The following BMP7 variants were observed in gnomAD, a reference collection of about 807,000 sequenced individuals.
BMP7 encodes the protein osteogenic protein 1.
BMP7 carries 12 observed loss-of-function variants against 41.2 expected under a neutral mutation model. The observed-to-expected ratio is 0.29, with a 90% CI of 0.19 to 0.47. The LOEUF (loss-of-function observed/expected upper bound fraction) is 0.47. Ranked by LOEUF, BMP7 falls within the 20% of genes least tolerant of loss-of-function variation. BMP7 has a pLI of 0.99. For missense variants in BMP7, 467 were observed against 606.0 expected (o/e 0.77, Z 2.41); for synonymous variants, 248 against 250.0 (o/e 0.99, Z 0.07).
At chr20:57,234,214 G>A (rs1176124803) in intron 1 of BMP7, among the ~76,000 whole-genome samples, 1 of 152,226 alleles carries the variant, frequency 6.6e-6, no homozygotes, top group Non-Finnish European at 1.5e-5. Context: ...GGGATGGGAG[G>A]AAGCCAGCCT....
At chr20:57,210,617 C>T (rs543839422) in intron 2 of BMP7, among the ~76,000 whole-genome samples, 4 of 152,302 alleles carry the variant, frequency 2.6e-5, no homozygotes, top group East Asian at 3.9e-4. Flanking sequence ...CAAAACAGAG[C>T]GGAGTTGGGA....
rs2066174321 is a variant in BMP7, at chr20:57,265,741, T to C, written c.382A>G (p.Thr128Ala). The change falls in exon 1 of 7, where the codon ACC becomes GCC. Residue 128 changes from threonine (T) to alanine (A), a missense_variant. Physicochemically the swap from Thr to Ala is moderately conservative, Grantham distance 58 (BLOSUM62 0). Coordinates refer to ENST00000395863, the MANE Select transcript of BMP7 (RefSeq NM_001719.3). The part of the protein sequence containing the change: ...LASLQDSHFL[T>A]DADMVMSFVN... ...AAGCTCATGACCATGTCGGCGTCGG[T>C]GAGGAAATGGCTATCTTGCAGGCTG... is the stretch of plus-strand genomic sequence containing the variant. The C allele has an allele frequency of 6.8e-6, 11 of 1,609,892 alleles. No homozygotes were observed. Among genetic ancestry groups the C allele is most frequent in the Non-Finnish European group, 9.3e-6 (11 of 1,178,246 alleles).
intron 2 of BMP7, among the ~76,000 whole-genome samples, chr20:57,221,098 C>A (rs928516050): frequency 6.6e-6 from 1 of 152,272 alleles, no homozygotes; most frequent in Non-Finnish European, 1.5e-5. Context: ...AAAATGGATA[C>A]CACAGTGAGC....
At chr20:57,221,880 G>A (rs1985198290) in intron 2 of BMP7, among the ~76,000 whole-genome samples, 1 of 151,584 alleles carries the variant, frequency 6.6e-6, no homozygotes, top group Non-Finnish European at 1.5e-5. Flanking sequence ...GGTTGTTGTG[G>A]GAAGCAGTAA....
intron 4 of BMP7, among the ~76,000 whole-genome samples, chr20:57,180,029 G>C (rs991417904): frequency 5.3e-5 from 8 of 152,084 alleles, no homozygotes; most frequent in African/African-American, 1.9e-4. Context: ...GGAGCTCCAA[G>C]ACACGGAAGT....
chr20:57,202,712 T>C (rs1001347815), intron 2 of BMP7, 89 bp from the exon 3 acceptor site: 17 of 531,166 alleles, frequency 3.2e-5, no homozygotes, highest in Non-Finnish European at 5.5e-5. Context: ...CCTCATGGGG[T>C]GGGAGGGGAG....
rs73287974 is a variant in BMP7, at chr20:57,195,758, T to C, written c.760+6717A>G. Among the ~76,000 whole-genome samples, 1,001 of 152,290 alleles carry C rather than the reference T, an allele frequency of 6.6e-3. 10 individuals carry two copies. Among genetic ancestry groups the C allele is most frequent in the African/African-American group, 0.022 (934 of 41,562 alleles). On this transcript the variant is annotated intron_variant, in intron 3 of 6. Coordinates refer to ENST00000395863, the MANE Select transcript of BMP7 (RefSeq NM_001719.3). The stretch of plus-strand genomic sequence containing the variant: ...ATCCTTTAAATGCTCTGCAATCCCA[T>C]CCAATTCAATCTGGAGTGAGCATGA...
At position 57,171,475 on chromosome 20, in the gene BMP7, T is replaced by A. The variant is rs1983815289; in HGVS notation, c.1147-367A>T. Among the ~76,000 whole-genome samples the A allele has an allele frequency of 6.6e-6, 1 of 152,208 alleles. No individual in the cohort carries two copies. Among genetic ancestry groups the A allele is most frequent in the Non-Finnish European group, 1.5e-5 (1 of 68,034 alleles). On this transcript the variant is annotated intron_variant, in intron 6 of 6. Transcript: ENST00000395863. The surrounding 1 kb of genome is among the most constrained non-coding windows in gnomAD (Gnocchi z 4.5). ...AAGTGCTCCATCTTGCTCATGGACT[T>A]CTCTGCACCTTACAGAGGATGTGGG...
rs1398738819 is a variant in BMP7 at position 57,224,921 on chromosome 20, A to G, written c.611+3308T>C. 3.3e-5 allele frequency: 5 copies of G among 152,268 alleles called. No individual in the cohort carries two copies. The allele number at this position is 152,268 out of a possible 1,614,324, so 9.4% of individuals were successfully genotyped here. ...GGATTCCGAGAGATCAAGAGGAGTCAGTGGAAAGTGACTCCCACAAGGGGA... is the reference window on the plus strand; with the variant it reads ...GGATTCCGAGAGATCAAGAGGAGTCGGTGGAAAGTGACTCCCACAAGGGGA... On this transcript the variant is annotated intron_variant, in intron 2 of 6. Coordinates refer to ENST00000395863, the MANE Select transcript of BMP7 (RefSeq NM_001719.3). This position sits in a 1 kb window ranked among gnomAD's most constrained non-coding sequence, Gnocchi z 4.8.
chr20:57,196,688 T>C (rs1313488478), intron 3 of BMP7, among the ~76,000 whole-genome samples: 1 of 152,168 alleles, frequency 6.6e-6, no homozygotes, highest in Admixed American at 6.5e-5. Flanking sequence ...AGATAAAACA[T>C]GAACTTTTAG....
At chr20:57,197,989 T>C (rs566167014) in intron 3 of BMP7, among the ~76,000 whole-genome samples, 11 of 152,268 alleles carry the variant, frequency 7.2e-5, no homozygotes, top group Admixed American at 5.9e-4. Flanking sequence ...TTCCCCTGCC[T>C]TAAGGCCACA....
intron 1 of BMP7, among the ~76,000 whole-genome samples, chr20:57,253,316 C>T (rs1425890306): frequency 6.6e-6 from 1 of 152,166 alleles, no homozygotes; most frequent in African/African-American, 2.4e-5. Flanking sequence ...AAAACTGAAA[C>T]TTGAGAAGTG....
At chr20:57,195,434 A>G (rs1231628271) in intron 3 of BMP7, among the ~76,000 whole-genome samples, 1 of 152,134 alleles carries the variant, frequency 6.6e-6, no homozygotes, top group Non-Finnish European at 1.5e-5. Context: ...CCTGGCCCCA[A>G]TTACCCAATT....
chr20:57,241,468 G>A (rs2066069454), intron 1 of BMP7, among the ~76,000 whole-genome samples: 1 of 152,172 alleles, frequency 6.6e-6, no homozygotes, highest in South Asian at 2.1e-4. Flanking sequence ...CCAGATTGGG[G>A]GGCAGGGCCC....
chr20:57,266,084 G>A lies in BMP7; in HGVS notation c.39C>T (p.Ser13=). 6.5e-7 allele frequency: 1 copy of A among 1,537,544 alleles called. No homozygotes were observed. ...VRSLRAAAPH[S]FVALWAPLFL... Reference sequence around the variant, plus strand: ...ACAGGGGTGCCCAGAGCGCCACGAAGCTGTGCGGCGCCGCAGCTCGCAGTG... The same window carrying A: ...ACAGGGGTGCCCAGAGCGCCACGAAACTGTGCGGCGCCGCAGCTCGCAGTG... Residue 13 remains serine, a synonymous_variant, in exon 1 of 7, where the codon AGC becomes AGT. Coordinates refer to ENST00000395863, the MANE Select transcript of BMP7 (RefSeq NM_001719.3).
In BMP7 at chr20:57,171,007, G is replaced by A; in HGVS notation, c.1248C>T (p.Ile416=). The change falls in exon 7 of 7, where the codon ATC becomes ATT. Residue 416 remains isoleucine (I), a synonymous_variant. Transcript: ENST00000395863. The surrounding 1 kb of genome is among the most constrained non-coding windows in gnomAD (Gnocchi z 4.5). ...CCACCATGTTTCTGTATTTCTTCAG[G>A]ATGACGTTGGAGCTGTCATCGAAGT... ...VLYFDDSSNV[I]LKKYRNMVVR... 6.2e-7 allele frequency: 1 copy of A among 1,614,134 alleles called. No individual in the cohort carries two copies. Among genetic ancestry groups the A allele is most frequent in the Non-Finnish European group, 8.5e-7 (1 of 1,179,998 alleles).
intron 1 of BMP7, among the ~76,000 whole-genome samples, chr20:57,265,367 C>A (rs1270022552): frequency 1.3e-5 from 2 of 152,144 alleles, no homozygotes; most frequent in Admixed American, 1.3e-4. Flanking sequence ...TAGCGCGAGC[C>A]GCGCCGGCCC....
chr20:57,179,507 T>C (rs1984022560), intron 4 of BMP7, among the ~76,000 whole-genome samples: 1 of 152,146 alleles, frequency 6.6e-6, no homozygotes, highest in Non-Finnish European at 1.5e-5. Context: ...AACCGCACCA[T>C]CTGAAGAGCA....
At chr20:57,196,205 C>T (rs925145581) in intron 3 of BMP7, among the ~76,000 whole-genome samples, 1 of 152,200 alleles carries the variant, frequency 6.6e-6, no homozygotes, top group Admixed American at 6.5e-5. Flanking sequence ...ACAGTCTCCC[C>T]AGCCCAAACC....
Sources: allele counts gnomAD v4.1 joint callset (sites outside exome capture counted in the v4.1 genomes callset), GRCh38; gene constraint gnomAD v4.1.1; non-coding constraint Gnocchi (gnomAD v3.1); transcripts MANE v1.5; gene names NCBI Gene and HGNC (gene_info 2026-07-23, HGNC 2026-07-21).